PHF20L1: variants seen among roughly 807,000 people sequenced by gnomAD.
PHF20L1 encodes the protein PHD finger protein 20-like protein 1.
A neutral mutation model predicts 125.5 loss-of-function variants in PHF20L1; 44 were observed. The ratio of observed to expected loss-of-function variants is 0.35; its 90% CI spans 0.28 to 0.45. PHF20L1 has a LOEUF of 0.45. Among genes scored for constraint, PHF20L1 ranks in the 20% least tolerant of loss-of-function variants. The pLI is 1.00. For missense variants in PHF20L1, 1,012 were observed against 1,217.2 expected (o/e 0.83, Z 2.51); for synonymous variants, 380 against 403.1 (o/e 0.94, Z 0.69).
At chr8:132,830,672 T>C (rs1290665167) in intron 14 of PHF20L1, among the ~76,000 whole-genome samples, 1 of 152,136 alleles carries the variant, frequency 6.6e-6, no homozygotes, top group African/African-American at 2.4e-5. Context: ...CACATCTGCA[T>C]GCTTACATGA....
intron 8 of PHF20L1, chr8:132,809,165 T>G (rs1374133140): frequency 1.3e-5 from 2 of 152,122 alleles, no homozygotes; most frequent in Non-Finnish European, 2.9e-5. Flanking sequence ...AATTTATTTA[T>G]CTATTTAGTT....
chr8:132,786,387 A>G (rs751976292), intron 2 of PHF20L1, among the ~76,000 whole-genome samples: 15 of 152,098 alleles, frequency 9.9e-5, no homozygotes, highest in Non-Finnish European at 1.9e-4. Flanking sequence ...TTTATTTTGT[A>G]CAATTATTTT....
intron 2 of PHF20L1, among the ~76,000 whole-genome samples, chr8:132,782,844 C>T (rs1320254705): frequency 6.6e-6 from 1 of 151,614 alleles, no homozygotes; most frequent in South Asian, 2.1e-4. Context: ...TGGGCTCAAG[C>T]AGTTTTTCCA....
chr8:132,798,455 T>G (rs1832674581), intron 4 of PHF20L1, among the ~76,000 whole-genome samples: 2 of 152,036 alleles, frequency 1.3e-5, no homozygotes, highest in African/African-American at 4.8e-5. Flanking sequence ...TAAGTAATGA[T>G]TTTACTTTTG....
chr8:132,807,790 G>A (rs1833910528), intron 8 of PHF20L1: 1 of 454,888 alleles, frequency 2.2e-6, no homozygotes, highest in Non-Finnish European at 4.4e-6. Context: ...ATTGGTGGGT[G>A]GAACTGATGA....
At chr8:132,781,519 C>G (rs1218859855) in intron 2 of PHF20L1, among the ~76,000 whole-genome samples, 2 of 152,216 alleles carry the variant, frequency 1.3e-5, no homozygotes, top group African/African-American at 2.4e-5. Context: ...ACCTCCGCCT[C>G]TCAGGTTCAA....
At chr8:132,804,520 T>C (rs1833459156) in intron 7 of PHF20L1, 95 bp from the exon 8 acceptor site, 1 of 891,722 alleles carries the variant, frequency 1.1e-6, no homozygotes, top group East Asian at 2.7e-5. Context: ...AAAAAACTAA[T>C]GTGCAAAGCA....
chr8:132,816,770 A>T (rs1172306593), intron 10 of PHF20L1, 118 bp from the exon 11 acceptor site: 1 of 700,954 alleles, frequency 1.4e-6, no homozygotes, highest in Non-Finnish European at 2.4e-6. Flanking sequence ...CCTTGTGGAT[A>T]TCTTATAACA....
At chr8:132,811,848 A>T in intron 9 of PHF20L1, 2 of 983,668 alleles carry the variant, frequency 2.0e-6, no homozygotes, top group Non-Finnish European at 2.4e-6. Flanking sequence ...CCTGTTTTAA[A>T]ATCTGAGCCT....
Position 132,775,548 on chromosome 8 carries a change from G to GGGCGGA in PHF20L1, c.-131_-126dup, listed in dbSNP as rs549307864. ...CCTGCTCCCTCCCCGGCCGCTGCCT[G>GGGCGGA]GGCGGAGGCAGAGGCAGAGGCCCGG... On this transcript the variant is annotated 5_prime_UTR_variant, in exon 1 of 21. Coordinates refer to ENST00000395386, the MANE Select transcript of PHF20L1 (RefSeq NM_016018.5). 3,441 of 368,060 alleles carry GGGCGGA rather than the reference G, an allele frequency of 9.3e-3. 40 individuals carry two copies. Among genetic ancestry groups the GGGCGGA allele is most frequent in the South Asian group, 0.014 (105 of 7,628 alleles). The allele number at this position is 368,060 out of a possible 1,614,324, so 22.8% of individuals were successfully genotyped here.
Position 132,843,823 on chromosome 8 carries a change from A to T in PHF20L1, c.2749-333A>T, listed in dbSNP as rs560658725. ...TTATGTCCACTTATATCACCAGCTG[A>T]GATTAATTGAGGAAGAGGCCAGTCT... On this transcript the variant is annotated intron_variant, in intron 19 of 20. Coordinates refer to ENST00000395386, the MANE Select transcript of PHF20L1 (RefSeq NM_016018.5). The T allele has an allele frequency of 1.5e-5, 15 of 985,080 alleles. No homozygotes were observed. The Admixed American group carries it at 4.9e-4, about 32-fold the overall frequency. The allele number at this position is 985,080 out of a possible 1,614,324, so 61.0% of individuals were successfully genotyped here.
At chr8:132,831,192 G>A (rs760131313) in intron 14 of PHF20L1, among the ~76,000 whole-genome samples, 1 of 152,098 alleles carries the variant, frequency 6.6e-6, no homozygotes, top group South Asian at 2.1e-4. Context: ...AGCATTGAAT[G>A]ACTTTTTATT....
At chr8:132,814,993 T>G (rs1442005237) in intron 10 of PHF20L1, 104 bp downstream of exon 10, 1 of 833,012 alleles carries the variant, frequency 1.2e-6, no homozygotes, top group African/African-American at 1.8e-5. Context: ...TTTTAAAAAC[T>G]CAAGTGGATA....
intron 14 of PHF20L1, among the ~76,000 whole-genome samples, 181 bp downstream of exon 14, chr8:132,825,552 G>T (rs1480712812): frequency 6.6e-6 from 1 of 151,814 alleles, no homozygotes; most frequent in African/African-American, 2.4e-5. Flanking sequence ...GTTTCACTCT[G>T]GCCTATAATT....
At chr8:132,838,627 A>C (rs1391455481) in intron 17 of PHF20L1, 1 of 152,184 alleles carries the variant, frequency 6.6e-6, no homozygotes, top group Non-Finnish European at 1.5e-5. Flanking sequence ...ATTGGAAAAA[A>C]AGAAAAAAGT....
chr8:132,841,876 T>C (rs1335067024), intron 18 of PHF20L1: 1 of 152,156 alleles, frequency 6.6e-6, no homozygotes, highest in Non-Finnish European at 1.5e-5. Flanking sequence ...ATTGGTTGGC[T>C]CGACTGGTAC....
intron 12 of PHF20L1, 132 bp downstream of exon 12, chr8:132,817,677 A>C: frequency 3.1e-6 from 2 of 638,286 alleles, no homozygotes; most frequent in East Asian, 5.5e-5. Flanking sequence ...ATACTTTAAC[A>C]TTTATAGGAG....
chr8:132,838,844 A>T (rs1381193983), intron 17 of PHF20L1, among the ~76,000 whole-genome samples: 1 of 152,170 alleles, frequency 6.6e-6, no homozygotes, highest in Non-Finnish European at 1.5e-5. Flanking sequence ...TGATTGATTT[A>T]AACCATGCCT....
intron 4 of PHF20L1, among the ~76,000 whole-genome samples, chr8:132,796,074 A>G (rs970411350): frequency 6.6e-6 from 1 of 152,180 alleles, no homozygotes; most frequent in African/African-American, 2.4e-5. Context: ...CTTGGCAAGA[A>G]GGGCATTTAA....
Sources: allele counts gnomAD v4.1 joint callset (sites outside exome capture counted in the v4.1 genomes callset), GRCh38; gene constraint gnomAD v4.1.1; transcripts MANE v1.5; gene names NCBI Gene and HGNC (gene_info 2026-07-23, HGNC 2026-07-21).